Variants in DNAH6 observed in about 807,000 individuals in gnomAD.
The protein encoded by DNAH6 is dynein axonemal heavy chain 6, also known as axonemal beta dynein heavy chain 6.
Under a neutral mutation model 491.4 loss-of-function variants are expected in DNAH6, and 340 were observed. The ratio of observed to expected loss-of-function variants is 0.69; its 90% CI spans 0.63 to 0.76. DNAH6 has a LOEUF of 0.76. Among genes scored for constraint, DNAH6 ranks in the 30% least tolerant of loss-of-function variants. The pLI is 0.00. For synonymous variants in DNAH6, 1,603 were observed against 1,686.1 expected (o/e 0.95, Z 1.21); for missense variants, 4,443 against 4,972.2 (o/e 0.89, Z 3.20).
chr2:84,485,449 G>A, the DNAH6 span, among the ~76,000 whole-genome samples: 8 of 152,206 alleles, frequency 5.3e-5, no homozygotes, highest in South Asian at 1.2e-3. Flanking sequence ...TGGAATGAAA[G>A]ACCTTATGGG....
chr2:84,798,889 G>A (rs1162257725), intron 70 of DNAH6, among the ~76,000 whole-genome samples: 2 of 152,052 alleles, frequency 1.3e-5, no homozygotes, highest in Non-Finnish European at 2.9e-5. Flanking sequence ...ATATCAAGTT[G>A]ATATCTGTGG....
intron 68 of DNAH6, among the ~76,000 whole-genome samples, chr2:84,791,648 ATATATATATAAT>A (rs1169482301): frequency 4.7e-5 from 7 of 149,638 alleles, no homozygotes; most frequent in Non-Finnish European, 1.0e-4. Flanking sequence ...TAATGAATTT[ATATATATATAAT>A]TATATATATA....
intron 52 of DNAH6, among the ~76,000 whole-genome samples, chr2:84,706,530 G>A (rs1055073725): frequency 2.6e-5 from 4 of 152,224 alleles, no homozygotes; most frequent in South Asian, 4.1e-4. Context: ...ATAGTGTGCC[G>A]ACCTCTGATG....
At chr2:84,600,055 G>A (rs1432308412) in intron 18 of DNAH6, among the ~76,000 whole-genome samples, 4 of 152,132 alleles carry the variant, frequency 2.6e-5, no homozygotes, top group Non-Finnish European at 4.4e-5. Context: ...TTCTACAAGT[G>A]TTAATTAGGT....
intron 37 of DNAH6, among the ~76,000 whole-genome samples, chr2:84,667,097 T>C (rs1014477445): frequency 1.1e-4 from 16 of 152,140 alleles, no homozygotes; most frequent in Admixed American, 7.9e-4. Context: ...AAAATTAATT[T>C]CAAGATGGAT....
chr2:84,659,288 T>A, intron 37 of DNAH6, 119 bp downstream of exon 37: 1 of 541,198 alleles, frequency 1.8e-6, no homozygotes, highest in Non-Finnish European at 2.8e-6. Context: ...AACTGGTTCC[T>A]AAAATTATTC....
chr2:84,560,929 T>C (rs1324895399), intron 11 of DNAH6, among the ~76,000 whole-genome samples: 1 of 151,646 alleles, frequency 6.6e-6, no homozygotes, highest in East Asian at 1.9e-4. Flanking sequence ...TACGTGTGCA[T>C]GTGTCTTTAT....
intron 70 of DNAH6, 143 bp from the exon 71 acceptor site, chr2:84,805,522 G>A: frequency 1.4e-6 from 1 of 708,680 alleles, no homozygotes; most frequent in Admixed American, 3.5e-5. Context: ...CATGTTAATT[G>A]TTCTTACCAC....
At position 84,548,393 on chromosome 2, in the gene DNAH6, G is replaced by A. The variant is rs765400269; in HGVS notation, c.1292G>A (p.Arg431Lys). The A allele has an allele frequency of 4.3e-6, 7 of 1,613,874 alleles. No individual in the cohort carries two copies. The highest frequency in any genetic ancestry group is 3.3e-4 in the Middle Eastern group (2 of 6,054). ...ACATATACAGAACAGGCCAGCAAAA[G>A]GCATTATTGCATGAGGCTGACGTGG... ...KMTYTEQASKRHYCMRLTCFI... is the reference protein window; with the variant it reads ...KMTYTEQASKKHYCMRLTCFI... The change falls in exon 8 of 77, where the codon AGG becomes AAG. Residue 431 changes from arginine to lysine, a missense_variant. Arg to Lys is a conservative substitution (Grantham distance 26). Around this residue, in one of 3 missense-constraint regions of DNAH6, gnomAD observed 2,977 missense variants for 3,296.6 expected, o/e 0.90. Coordinates refer to ENST00000389394, the MANE Select transcript of DNAH6 (RefSeq NM_001370.2).
the DNAH6 span, among the ~76,000 whole-genome samples, chr2:84,472,539 C>T: frequency 7.4e-4 from 112 of 152,112 alleles, no homozygotes; most frequent in African/African-American, 2.5e-3. Context: ...ATCCATCTGC[C>T]GAGGGAATTT....
chr2:84,470,126 C>G, the DNAH6 span, among the ~76,000 whole-genome samples: 18 of 152,140 alleles, frequency 1.2e-4, no homozygotes, highest in Non-Finnish European at 2.5e-4. Flanking sequence ...TCGGGGGTCT[C>G]TTCAGTATCA....
At chr2:84,727,597 G>A (rs1698756632) in intron 60 of DNAH6, 72 bp from the exon 61 acceptor site, 1 of 941,928 alleles carries the variant, frequency 1.1e-6, no homozygotes, top group Non-Finnish European at 1.6e-6. Context: ...TGCGAACAAG[G>A]GAGACAGATT....
intron 18 of DNAH6, among the ~76,000 whole-genome samples, chr2:84,601,544 T>C (rs1685247354): frequency 6.6e-6 from 1 of 152,092 alleles, no homozygotes; most frequent in Non-Finnish European, 1.5e-5. Context: ...AGCTGTCTTT[T>C]AGTGTTTGTG....
rs553861202 is a variant in DNAH6, at chr2:84,753,628, A to G, written c.10512+8379A>G. ...CAAAATTAGCCAGGTGTGGTGGTGC[A>G]TACCTGTAATCCCAGCTACTCAGGA... is the stretch of plus-strand genomic sequence containing the variant. On this transcript the variant is annotated intron_variant, in intron 63 of 76. Coordinates refer to ENST00000389394, the MANE Select transcript of DNAH6 (RefSeq NM_001370.2). Among the ~76,000 whole-genome samples, 29 of 151,758 alleles carry G rather than the reference A, an allele frequency of 1.9e-4. No individual in the cohort carries two copies. The East Asian group carries it at 4.7e-3, about 25-fold the overall frequency.
the DNAH6 span, among the ~76,000 whole-genome samples, chr2:84,488,073 A>G: frequency 7.2e-5 from 11 of 152,242 alleles, no homozygotes; most frequent in African/African-American, 2.6e-4. Flanking sequence ...CTCTGTTTTT[A>G]GGCATTAAAA....
Position 84,659,175 on chromosome 2 carries a change from A to C in DNAH6, c.6084+6A>C. The C allele has an allele frequency of 7.4e-7, 1 of 1,355,794 alleles. No homozygotes were observed. The highest frequency in any genetic ancestry group is 1.5e-5 in the African/African-American group (1 of 67,386). The allele number at this position is 1,355,794 out of a possible 1,614,324, so 84.0% of individuals were successfully genotyped here. ...ATGATAATCCTGATGCCAGGGTAAG[A>C]ACCAAATAAATTATATTTTAACATA... is the stretch of plus-strand genomic sequence containing the variant. On this transcript the variant is annotated splice_donor_region_variant and intron_variant, in intron 37 of 76. Coordinates refer to ENST00000389394, the MANE Select transcript of DNAH6 (RefSeq NM_001370.2).
intron 2 of DNAH6, among the ~76,000 whole-genome samples, chr2:84,522,948 C>T (rs1457869021): frequency 6.6e-6 from 1 of 152,014 alleles, no homozygotes; most frequent in East Asian, 1.9e-4. Context: ...GTGTCTCTGG[C>T]AAGTTTTCAC....
At position 84,812,210 on chromosome 2, in the gene DNAH6, A is replaced by G. The variant is rs1680054716; in HGVS notation, c.11740-131A>G. The G allele has an allele frequency of 7.1e-6, 5 of 706,198 alleles. No homozygotes were observed. In the East Asian group the frequency reaches 1.1e-4, roughly 15 times the overall value. 43.7% of individuals were successfully genotyped at this position (706,198 alleles called of 1,614,324 possible). A position where few individuals can be genotyped will look rare whatever the true frequency, so the allele number is the denominator to read the frequency against. On this transcript the variant is annotated intron_variant, in intron 72 of 76. Coordinates refer to ENST00000389394, the MANE Select transcript of DNAH6 (RefSeq NM_001370.2). ...TATTGGAGGGTCTGGCCCAGCAGAC[A>G]GTGTGCAAAGAGGATAGAACCTAGC...
chr2:84,813,161 G>C, intron 74 of DNAH6, 31 bp downstream of exon 74: 3 of 1,476,138 alleles, frequency 2.0e-6, no homozygotes, highest in Non-Finnish European at 2.8e-6. Context: ...AACCCCATAG[G>C]AATGGCCATG....
Sources: allele counts gnomAD v4.1 joint callset (sites outside exome capture counted in the v4.1 genomes callset), GRCh38; gene constraint gnomAD v4.1.1; regional missense constraint gnomAD v4.1.1; transcripts MANE v1.5; gene names NCBI Gene and HGNC (gene_info 2026-07-23, HGNC 2026-07-21).